Variants in SYN3 observed in about 807,000 individuals in gnomAD.
The protein encoded by SYN3 is synapsin-3.
SYN3 carries 35 observed loss-of-function variants against 65.8 expected under a neutral mutation model. The observed-to-expected ratio is 0.53, with a 90% CI of 0.41 to 0.70. The LOEUF (loss-of-function observed/expected upper bound fraction) is 0.70, where lower values mean the gene tolerates loss of function less well. SYN3 is among the 30% of genes least tolerant of loss of function. The pLI is 0.00. For missense variants in SYN3, 680 were observed against 749.0 expected (o/e 0.91, Z 1.08); for synonymous variants, 270 against 292.9 (o/e 0.92, Z 0.80).
chr22:32,846,840 A>G (rs776807271), intron 6 of SYN3, among the ~76,000 whole-genome samples: 2 of 152,228 alleles, frequency 1.3e-5, no homozygotes, highest in Non-Finnish European at 2.9e-5. Flanking sequence ...CCAAACTTCA[A>G]TGCAGCTTCC....
At chr22:32,858,089 C>G (rs763814473) in intron 6 of SYN3, 1 of 1,614,214 alleles carries the variant, frequency 6.2e-7, no homozygotes, top group Non-Finnish European at 8.5e-7. Flanking sequence ...CTCACCCTCT[C>G]CCAGCGCAAG....
intron 3 of SYN3, among the ~76,000 whole-genome samples, chr22:32,932,701 G>A (rs1415686474): frequency 6.6e-6 from 1 of 152,094 alleles, no homozygotes; most frequent in East Asian, 1.9e-4. Context: ...AGAGTCCCAT[G>A]GAATACATCC....
intron 12 of SYN3, 126 bp downstream of exon 12, chr22:32,527,792 A>G: frequency 2.6e-6 from 2 of 770,692 alleles, no homozygotes; most frequent in Non-Finnish European, 4.2e-6. Context: ...AGTCTCATTC[A>G]TTCTGTGGAT....
At chr22:33,018,106 G>C (rs138080324) in intron 1 of SYN3, among the ~76,000 whole-genome samples, 11 of 152,316 alleles carry the variant, frequency 7.2e-5, no homozygotes, top group African/African-American at 2.6e-4. Context: ...GGGATATCTG[G>C]TCTACCTGGC....
At chr22:32,986,729 G>A (rs1346852088) in intron 2 of SYN3, among the ~76,000 whole-genome samples, 1 of 152,134 alleles carries the variant, frequency 6.6e-6, no homozygotes, top group African/African-American at 2.4e-5. Context: ...TGTCTCTCAT[G>A]GCTGCCTCCT....
At chr22:32,814,351 G>GAAAGGA (rs1555970165) in intron 6 of SYN3, among the ~76,000 whole-genome samples, 10 of 14,570 alleles carry the variant, frequency 6.9e-4, no homozygotes, top group South Asian at 2.4e-3. Flanking sequence ...GAAAGAAAGA[G>GAAAGGA]AGAAAGAAAG....
intron 10 of SYN3, among the ~76,000 whole-genome samples, chr22:32,532,174 G>A (rs1321268033): frequency 3.9e-5 from 6 of 152,296 alleles, no homozygotes; most frequent in Admixed American, 3.9e-4. Flanking sequence ...ACCTGGCTTG[G>A]GGGCTGGCTC....
chr22:33,046,413 A>G (rs1403375888), intron 1 of SYN3, among the ~76,000 whole-genome samples: 1 of 152,206 alleles, frequency 6.6e-6, no homozygotes, highest in Non-Finnish European at 1.5e-5. Context: ...CTTTAGTCAC[A>G]ATCCTTAAAA....
At position 32,801,977 on chromosome 22, in the gene SYN3, C is replaced by CCCGGCAGCG; in HGVS notation, c.711+62929_711+62937dup. On this transcript the variant is annotated intron_variant, in intron 6 of 13. Transcript: ENST00000358763. This position sits in a 1 kb window ranked among gnomAD's most constrained non-coding sequence, Gnocchi z 4.7. The stretch of plus-strand genomic sequence containing the variant: ...CAACTTTGGAGAGGCGAGCAGCAGC[C>CCCGGCAGCG]CCGGCAGCGGCGGCAGCAGCGGCAA... 6.3e-7 allele frequency: 1 copy of CCCGGCAGCG among 1,581,412 alleles called. No individual in the cohort carries two copies. The highest frequency in any genetic ancestry group is 8.5e-7 in the Non-Finnish European group (1 of 1,171,026).
At chr22:32,762,705 C>T (rs377601839) in intron 6 of SYN3, among the ~76,000 whole-genome samples, 55 of 152,310 alleles carry the variant, frequency 3.6e-4, no homozygotes, top group African/African-American at 1.2e-3. Flanking sequence ...CGAGGTGGGG[C>T]GGGCGCCCTT....
chr22:32,652,953 T>A (rs2060093640), intron 6 of SYN3, among the ~76,000 whole-genome samples: 1 of 152,246 alleles, frequency 6.6e-6, no homozygotes, highest in Admixed American at 6.5e-5. Context: ...AAGAATTTAA[T>A]GTTCAGAATC....
intron 3 of SYN3, 64 bp from the exon 4 acceptor site, chr22:32,931,545 A>G (rs980602566): frequency 1.9e-5 from 22 of 1,129,762 alleles, no homozygotes; most frequent in Non-Finnish European, 2.6e-5. Context: ...AACGGTTAAC[A>G]CATATTGGGT....
intron 7 of SYN3, among the ~76,000 whole-genome samples, chr22:32,561,974 C>T (rs561902349): frequency 4.3e-4 from 65 of 152,288 alleles, no homozygotes; most frequent in African/African-American, 9.6e-4. Flanking sequence ...CTTCCTCTTA[C>T]GACACCCCAG....
intron 4 of SYN3, among the ~76,000 whole-genome samples, chr22:32,870,310 T>C (rs373162992): frequency 2.0e-4 from 27 of 137,904 alleles, no homozygotes; most frequent in South Asian, 1.1e-3. Flanking sequence ...ACATTCATAA[T>C]TGCTCCATAC....
chr22:32,567,417 T>C lies in SYN3; in HGVS notation c.775-25704A>G, dbSNP rs188543182. Among the ~76,000 whole-genome samples the C allele has an allele frequency of 1.0e-3, 144 of 144,334 alleles. 1 individual carries two copies. Among genetic ancestry groups the C allele is most frequent in the African/African-American group, 3.4e-3 (135 of 39,376 alleles). 94.7% of individuals were successfully genotyped at this position (144,334 alleles called of 152,430 possible). On this transcript the variant is annotated intron_variant, in intron 7 of 13. Transcript: ENST00000358763. Reference sequence around the variant, plus strand: ...TATTAAGGGACTGCTGTATGCCAGGTACTCTGCTAGGTGGTGGAAATAGAA... The same window carrying C: ...TATTAAGGGACTGCTGTATGCCAGGCACTCTGCTAGGTGGTGGAAATAGAA...
chr22:32,630,193 A>C (rs1450029157), intron 6 of SYN3, among the ~76,000 whole-genome samples: 1 of 152,042 alleles, frequency 6.6e-6, no homozygotes, highest in Non-Finnish European at 1.5e-5. Flanking sequence ...CATGTTGGCC[A>C]AGATGATCTC....
intron 7 of SYN3, among the ~76,000 whole-genome samples, chr22:32,559,832 CAAA>C (rs35916830): frequency 2.1e-5 from 2 of 96,084 alleles, no homozygotes; most frequent in African/African-American, 4.2e-5. Flanking sequence ...TCCGTCTCAA[CAAA>C]AAAAAAAAAA....
intron 7 of SYN3, among the ~76,000 whole-genome samples, chr22:32,593,527 G>T (rs956973922): frequency 1.3e-5 from 2 of 152,120 alleles, no homozygotes; most frequent in Admixed American, 1.3e-4. Flanking sequence ...AGGGGGAGAT[G>T]ACTCCCAGGT....
rs201417336 is a variant in SYN3 at position 32,634,442 on chromosome 22, C to T, written c.712-37706G>A. On this transcript the variant is annotated intron_variant, in intron 6 of 13. Transcript: ENST00000358763. ...TATGTTCCTGTATTCACAGAGGCAA[C>T]GTAGAGATAGTGCATATGGGAATGA... Among the ~76,000 whole-genome samples, 14 of 152,236 alleles carry T rather than the reference C, an allele frequency of 9.2e-5. No individual in the cohort carries two copies. The East Asian group carries it at 1.4e-3, about 15-fold the overall frequency.
Sources: gnomAD v4.1 joint callset for allele counts (sites outside exome capture counted in the v4.1 genomes callset) on GRCh38, gnomAD v4.1.1 for gene constraint, Gnocchi (gnomAD v3.1) non-coding constraint, MANE v1.5 for transcripts, NCBI Gene and HGNC (gene_info 2026-07-23, HGNC 2026-07-21) for gene names.